The following ESYT2 variants were observed in gnomAD, a reference collection of about 807,000 sequenced individuals.
ESYT2 encodes extended synaptotagmin-2.
In ESYT2, 54 loss-of-function variants were observed where a neutral mutation model predicts 107.2. The observed-to-expected ratio is 0.50, with a 90% confidence interval of 0.40 to 0.63. ESYT2 has a LOEUF of 0.63. Ranked by LOEUF, ESYT2 falls within the 30% of genes least tolerant of loss-of-function variation. The pLI, the probability that ESYT2 is intolerant of heterozygous loss-of-function variation, is 0.00. For missense variants in ESYT2, 1,020 were observed against 1,094.5 expected, an observed-to-expected ratio of 0.93 and a Z score of 0.96; for synonymous variants, 491 against 434.1, an observed-to-expected ratio of 1.13 and a Z score of -1.63.
In ESYT2 at chr7:158,828,997, G is replaced by A. The variant is rs1472887372; in HGVS notation, c.330+92C>T. The A allele has an allele frequency of 3.3e-6, 5 of 1,504,020 alleles. No individual in the cohort carries two copies. In the East Asian group the frequency reaches 7.7e-5, roughly 23 times the overall value. The allele number at this position is 1,504,020 out of a possible 1,614,324, so 93.2% of individuals were successfully genotyped here. On this transcript the variant is annotated intron_variant, in intron 1 of 22. Transcript: ENST00000275418. ...AGGGCTGGGGTCTGCACTCACCCAG[G>A]CGGCAGGTCGCGGGGAGGGGAGTGC...
At chr7:158,784,046 A>G (rs545851884) in intron 6 of ESYT2, among the ~76,000 whole-genome samples, 4 of 152,072 alleles carry the variant, frequency 2.6e-5, no homozygotes, top group Non-Finnish European at 5.9e-5. Flanking sequence ...CCCGCCAAAG[A>G]CACAAGGCAC....
At chr7:158,746,728 A>G (rs1426608518) in intron 16 of ESYT2, among the ~76,000 whole-genome samples, 1 of 152,138 alleles carries the variant, frequency 6.6e-6, no homozygotes, top group Non-Finnish European at 1.5e-5. Flanking sequence ...CTGAACAACT[A>G]CACAGCCATA....
At chr7:158,738,051 T>C (rs924836504) in intron 19 of ESYT2, among the ~76,000 whole-genome samples, 3 of 152,036 alleles carry the variant, frequency 2.0e-5, no homozygotes, top group African/African-American at 7.2e-5. Flanking sequence ...GAGACCAGCG[T>C]CTCCATAAAA....
chr7:158,737,187 C>A lies in ESYT2; in HGVS notation c.2268-8G>T, dbSNP rs764490274. The A allele has an allele frequency of 2.5e-6, 4 of 1,613,152 alleles. No individual in the cohort carries two copies. Among genetic ancestry groups the A allele is most frequent in the East Asian group, 4.5e-5 (2 of 44,868 alleles). ...GAGAAGGCAATGAGGTTTCTTACAACACAAACCAGATAAGACGAGGTATTA... is the reference window on the plus strand; with the variant it reads ...GAGAAGGCAATGAGGTTTCTTACAAAACAAACCAGATAAGACGAGGTATTA... On this transcript the variant is annotated splice_polypyrimidine_tract_variant and splice_region_variant and intron_variant, in intron 19 of 22. Coordinates refer to ENST00000275418, the MANE Select transcript of ESYT2 (RefSeq NM_001367773.1).
At chr7:158,763,264 CTCTGGTGGTAAA>C in intron 9 of ESYT2, 99 bp from the exon 10 acceptor site, 1 of 547,932 alleles carries the variant, frequency 1.8e-6, no homozygotes, top group South Asian at 3.8e-5. Flanking sequence ...AGGTACTTTT[CTCTGGTGGTAAA>C]TCCTTATTTA....
chr7:158,754,532 A>C (rs901806669), intron 13 of ESYT2, among the ~76,000 whole-genome samples: 7 of 152,036 alleles, frequency 4.6e-5, no homozygotes, highest in African/African-American at 1.2e-4. Flanking sequence ...AATGACAGCC[A>C]AAATAACTTG....
At position 158,741,924 on chromosome 7, in the gene ESYT2, A is replaced by G. The variant is rs773540113; in HGVS notation, c.1795-28T>C. 1.7e-5 allele frequency: 26 copies of G among 1,544,088 alleles called. No homozygotes were observed. The South Asian group carries it at 3.3e-4, about 20-fold the overall frequency. Reference sequence around the variant, plus strand: ...AGAGGTGGACATAAACATAAAAATTAAACTTGGTGACACTGGTAACATCCT... The same window carrying G: ...AGAGGTGGACATAAACATAAAAATTGAACTTGGTGACACTGGTAACATCCT... On this transcript the variant is annotated intron_variant, in intron 17 of 22. Transcript: ENST00000275418.
intron 15 of ESYT2, among the ~76,000 whole-genome samples, chr7:158,748,851 C>G (rs892142768): frequency 1.3e-5 from 2 of 151,874 alleles, no homozygotes; most frequent in Non-Finnish European, 2.9e-5. Flanking sequence ...TCCCAAGTAG[C>G]TGGGATTACA....
At chr7:158,763,270 T>C (rs1459465694) in intron 9 of ESYT2, 105 bp from the exon 10 acceptor site, 2 of 426,810 alleles carry the variant, frequency 4.7e-6, no homozygotes, top group Non-Finnish European at 7.0e-6. Flanking sequence ...TTTTCTCTGG[T>C]GGTAAATCCT....
At chr7:158,785,022 C>T (rs901648161) in intron 6 of ESYT2, among the ~76,000 whole-genome samples, 1 of 152,156 alleles carries the variant, frequency 6.6e-6, no homozygotes, top group Non-Finnish European at 1.5e-5. Context: ...CGTATGCTGC[C>T]CAACAACTAC....
chr7:158,823,365 C>T (rs1022871183), intron 1 of ESYT2, among the ~76,000 whole-genome samples: 57 of 139,886 alleles, frequency 4.1e-4, no homozygotes, highest in Non-Finnish European at 6.4e-4. Flanking sequence ...GTGGCTCTGT[C>T]GCCCAGGCTG....
At chr7:158,750,951 C>G (rs958554935) in intron 14 of ESYT2, among the ~76,000 whole-genome samples, 1 of 152,216 alleles carries the variant, frequency 6.6e-6, no homozygotes, top group Non-Finnish European at 1.5e-5. Context: ...ACTGCTACTT[C>G]TAAGTCAGTT....
In ESYT2 at chr7:158,792,925, C is replaced by T. The variant is rs903098195; in HGVS notation, c.584+725G>A. Among the ~76,000 whole-genome samples the T allele has an allele frequency of 2.6e-5, 4 of 151,884 alleles. No homozygotes were observed. In the East Asian group the frequency reaches 5.9e-4, roughly 22 times the overall value. Reference sequence around the variant, plus strand: ...CTGGGACTACAGGCGCCCACCACCACGCCTGGCTAATTTTTTGTATTTTTA... The same window carrying T: ...CTGGGACTACAGGCGCCCACCACCATGCCTGGCTAATTTTTTGTATTTTTA... On this transcript the variant is annotated intron_variant, in intron 4 of 22. Transcript: ENST00000275418.
chr7:158,752,731 C>T, intron 14 of ESYT2, 50 bp downstream of exon 14: 1 of 1,202,958 alleles, frequency 8.3e-7, no homozygotes, highest in Non-Finnish European at 1.1e-6. Flanking sequence ...AGTATCATCT[C>T]TTTCAATATG....
intron 1 of ESYT2, among the ~76,000 whole-genome samples, chr7:158,808,167 T>C (rs1002165620): frequency 1.3e-5 from 2 of 152,264 alleles, no homozygotes; most frequent in Non-Finnish European, 2.9e-5. Context: ...GCAGTTCCAC[T>C]GTGATTTCAA....
intron 1 of ESYT2, among the ~76,000 whole-genome samples, chr7:158,817,362 C>T (rs538862472): frequency 1.3e-5 from 2 of 152,372 alleles, no homozygotes; most frequent in Admixed American, 6.5e-5. Flanking sequence ...GTAATCCAGA[C>T]ATTCCTTTAT....
chr7:158,822,279 A>G (rs532990854), intron 1 of ESYT2, among the ~76,000 whole-genome samples: 1 of 152,310 alleles, frequency 6.6e-6, no homozygotes, highest in South Asian at 2.1e-4. Context: ...AAACAAACCA[A>G]TCCATAAGCT....
intron 1 of ESYT2, among the ~76,000 whole-genome samples, chr7:158,818,127 C>G (rs1840196458): frequency 6.6e-6 from 1 of 152,204 alleles, no homozygotes; most frequent in Admixed American, 6.5e-5. Flanking sequence ...TTTTTAGTCA[C>G]TAACCAGCAC....
chr7:158,778,866 T>C (rs80182121), intron 6 of ESYT2, among the ~76,000 whole-genome samples: 4,419 of 151,908 alleles, frequency 0.029, 188 homozygotes, highest in East Asian at 0.12. Flanking sequence ...TTTTTTAACA[T>C]GCTCCCAAGA....
Sources: allele counts gnomAD v4.1 joint callset (sites outside exome capture counted in the v4.1 genomes callset), GRCh38; gene constraint gnomAD v4.1.1; transcripts MANE v1.5; gene names NCBI Gene and HGNC (gene_info 2026-07-23, HGNC 2026-07-21).